SLCO3A1: variants seen among roughly 807,000 people sequenced by gnomAD.
SLCO3A1 encodes solute carrier organic anion transporter family member 3A1, also known as PGE1 transporter.
Under a neutral mutation model 63.1 loss-of-function variants are expected in SLCO3A1, and 27 were observed. The ratio of observed to expected loss-of-function variants is 0.43; its 90% CI spans 0.32 to 0.59. SLCO3A1 has a LOEUF of 0.59. Among genes scored for constraint, SLCO3A1 ranks in the 20% least tolerant of loss-of-function variants. The probability of loss-of-function intolerance (pLI) is 0.09; values close to 1 mark genes in which losing one functional copy is unlikely to be tolerated. For synonymous variants in SLCO3A1, 473 were observed against 409.9 expected (o/e 1.15, Z -1.86); for missense variants, 773 against 945.8 (o/e 0.82, Z 2.40).
At chr15:92,054,039 G>T (rs2151499947) in intron 2 of SLCO3A1, among the ~76,000 whole-genome samples, 1 of 152,136 alleles carries the variant, frequency 6.6e-6, no homozygotes, top group East Asian at 1.9e-4. Flanking sequence ...CGTTTATTCA[G>T]TTATTGATTC....
chr15:92,034,008 G>A lies in SLCO3A1; in HGVS notation c.647-60873G>A, dbSNP rs1249831947. 3.9e-5 allele frequency among the ~76,000 whole-genome samples: 6 copies of A among 151,952 alleles called. 1 individual carries two copies. The highest frequency in any genetic ancestry group is 8.8e-5 in the Non-Finnish European group (6 of 67,916). On this transcript the variant is annotated intron_variant, in intron 2 of 9. Transcript: ENST00000318445. ...GCCATGGCAGATCACGTGGAGTCCTGGTGACCATTGGGCTGATCTTGGCTT... is the reference window on the plus strand; with the variant it reads ...GCCATGGCAGATCACGTGGAGTCCTAGTGACCATTGGGCTGATCTTGGCTT...
chr15:92,076,090 G>C (rs2047272757), intron 2 of SLCO3A1, among the ~76,000 whole-genome samples: 1 of 152,166 alleles, frequency 6.6e-6, no homozygotes, highest in African/African-American at 2.4e-5. Flanking sequence ...TTTTCACCAG[G>C]CTTCAAAATC....
chr15:91,857,208 C>G (rs2141831591), intron 1 of SLCO3A1, among the ~76,000 whole-genome samples: 1 of 152,174 alleles, frequency 6.6e-6, no homozygotes, highest in East Asian at 1.9e-4. Context: ...AATTGTTAGG[C>G]TAGGCTGGGG....
intron 2 of SLCO3A1, among the ~76,000 whole-genome samples, chr15:92,080,989 G>A (rs1472650935): frequency 1.0e-5 from 1 of 100,204 alleles, no homozygotes; most frequent in South Asian, 2.8e-4. Flanking sequence ...TGTGTGTATG[G>A]GGTACGTGAG....
At chr15:92,032,549 G>T (rs1423119122) in intron 2 of SLCO3A1, among the ~76,000 whole-genome samples, 1 of 152,134 alleles carries the variant, frequency 6.6e-6, no homozygotes, top group African/African-American at 2.4e-5. Flanking sequence ...TTTGGATAAG[G>T]CTATGAATTT....
chr15:91,928,921 T>G (rs1899127918), intron 2 of SLCO3A1, among the ~76,000 whole-genome samples: 1 of 152,192 alleles, frequency 6.6e-6, no homozygotes, highest in Non-Finnish European at 1.5e-5. Context: ...ACTTGAGTGT[T>G]TCACTCCCAG....
chr15:92,101,703 A>T (rs1029658392), intron 3 of SLCO3A1, among the ~76,000 whole-genome samples: 14 of 152,116 alleles, frequency 9.2e-5, no homozygotes, highest in African/African-American at 3.1e-4. Flanking sequence ...CGGATAATTG[A>T]AATGGAGAAA....
chr15:92,161,319 C>G (rs961941225), intron 9 of SLCO3A1, among the ~76,000 whole-genome samples: 4 of 152,210 alleles, frequency 2.6e-5, no homozygotes, highest in East Asian at 3.8e-4. Flanking sequence ...GAGGACTGTG[C>G]TGCACACCAA....
intron 2 of SLCO3A1, among the ~76,000 whole-genome samples, chr15:92,032,723 C>T (rs2046669288): frequency 6.6e-6 from 1 of 152,032 alleles, no homozygotes; most frequent in African/African-American, 2.4e-5. Context: ...TTGCGATGCT[C>T]CTGGCAAAAT....
chr15:91,957,620 C>G (rs193096790), intron 2 of SLCO3A1, among the ~76,000 whole-genome samples: 3 of 152,244 alleles, frequency 2.0e-5, no homozygotes, highest in East Asian at 1.9e-4. Context: ...CCTCCTGGCT[C>G]TCCTTCATTT....
intron 1 of SLCO3A1, among the ~76,000 whole-genome samples, chr15:91,876,043 A>T (rs1897391012): frequency 6.6e-6 from 1 of 152,220 alleles, no homozygotes; most frequent in Non-Finnish European, 1.5e-5. Context: ...GGTGGCTCAC[A>T]CCTGTAATCC....
In SLCO3A1 at chr15:92,162,338, C is replaced by T. The variant is rs189623337; in HGVS notation, c.1754-418C>T. The T allele has an allele frequency of 1.2e-3, 203 of 165,502 alleles. 1 individual carries two copies. The highest frequency in any genetic ancestry group is 3.4e-4 in the Non-Finnish European group (26 of 76,844). The allele number at this position is 165,502 out of a possible 1,614,324, so 10.3% of individuals were successfully genotyped here. ...TTCCAGGTTGTCTCTTTAGTAGAGA[C>T]GGGGTTTCACCATGTTGGCCAGGCT... On this transcript the variant is annotated intron_variant, in intron 9 of 9. Transcript: ENST00000318445.
Position 92,031,267 on chromosome 15 carries a change from G to C in SLCO3A1, c.647-63614G>C, listed in dbSNP as rs142980254. ...GGAGTTTTTTCAAAGAGATGACTCA[G>C]TAGAAAAACAATAGCAGTATAAAAA... On this transcript the variant is annotated intron_variant, in intron 2 of 9. Transcript: ENST00000318445. 3.9e-5 allele frequency among the ~76,000 whole-genome samples: 6 copies of C among 152,246 alleles called. No homozygotes were observed. In the East Asian group the frequency reaches 1.2e-3, roughly 29 times the overall value.
chr15:92,065,297 G>T (rs973729747), intron 2 of SLCO3A1, among the ~76,000 whole-genome samples: 1 of 152,024 alleles, frequency 6.6e-6, no homozygotes, highest in Admixed American at 6.6e-5. Context: ...ATGTTGGTCA[G>T]GCTGGTCTCA....
At chr15:92,094,856 T>C (rs1347597722) in intron 2 of SLCO3A1, 25 bp from the exon 3 acceptor site, 1 of 1,508,982 alleles carries the variant, frequency 6.6e-7, no homozygotes, top group African/African-American at 1.4e-5. Flanking sequence ...TTTTGTAATC[T>C]ATTTTTTTCT....
chr15:91,960,974 C>T (rs774869452), intron 2 of SLCO3A1, among the ~76,000 whole-genome samples: 6 of 152,206 alleles, frequency 3.9e-5, no homozygotes, highest in Admixed American at 2.0e-4. Flanking sequence ...CCTGATGTTC[C>T]GGATGCCTCT....
chr15:91,950,372 A>C lies in SLCO3A1; in HGVS notation c.646+33914A>C, dbSNP rs1245472971. Among the ~76,000 whole-genome samples the C allele has an allele frequency of 6.6e-6, 1 of 152,098 alleles. No homozygotes were observed. The highest frequency in any genetic ancestry group is 2.4e-5 in the African/African-American group (1 of 41,422). ...GGACAGGGGCCCTGGCTGGGCAGGC[A>C]GGGGGAGCCCAGCCCTGTCACTGGC... On this transcript the variant is annotated intron_variant, in intron 2 of 9. Coordinates refer to ENST00000318445, the MANE Select transcript of SLCO3A1 (RefSeq NM_013272.4). The surrounding 1 kb of genome is among the most constrained non-coding windows in gnomAD (Gnocchi z 4.4).
At chr15:91,981,474 G>A (rs762394638) in intron 2 of SLCO3A1, among the ~76,000 whole-genome samples, 2 of 152,036 alleles carry the variant, frequency 1.3e-5, no homozygotes, top group African/African-American at 4.8e-5. Flanking sequence ...AAATGCCCAC[G>A]TTTTCCCACC....
At chr15:91,887,958 T>C (rs539319487) in intron 1 of SLCO3A1, among the ~76,000 whole-genome samples, 1 of 152,352 alleles carries the variant, frequency 6.6e-6, no homozygotes, top group East Asian at 1.9e-4. Flanking sequence ...GAGTACATAA[T>C]TAGTTTTCTC....
Sources: allele counts gnomAD v4.1 joint callset (sites outside exome capture counted in the v4.1 genomes callset), GRCh38; gene constraint gnomAD v4.1.1; non-coding constraint Gnocchi (gnomAD v3.1); transcripts MANE v1.5; gene names NCBI Gene and HGNC (gene_info 2026-07-23, HGNC 2026-07-21).